TTC28: variants seen among roughly 807,000 people sequenced by gnomAD.
TTC28 encodes the protein tetratricopeptide repeat protein 28.
Under a neutral mutation model 198.0 loss-of-function variants are expected in TTC28, and 61 were observed. That is an observed-to-expected ratio of 0.31 (90% CI 0.25 to 0.38). The LOEUF (loss-of-function observed/expected upper bound fraction) is 0.38, where lower values mean the gene tolerates loss of function less well. Among genes scored for constraint, TTC28 ranks in the 10% least tolerant of loss-of-function variants. TTC28 has a pLI of 1.00. For synonymous variants in TTC28, 1,171 were observed against 1,297.8 expected, an observed-to-expected ratio of 0.90 and a Z score of 2.10; for missense variants, 2,678 against 3,164.0, an observed-to-expected ratio of 0.85 and a Z score of 3.69.
rs1044862889 is a variant in TTC28, at chr22:28,025,609, C to T, written c.4073+4617G>A. 3.3e-5 allele frequency among the ~76,000 whole-genome samples: 5 copies of T among 152,148 alleles called. No individual in the cohort carries two copies. The East Asian group carries it at 7.7e-4, about 23-fold the overall frequency. ...TAAAAAACCACAGCCTGGCCAGGTA[C>T]GGAGACTCACAAGGATCCCAGCATT... On this transcript the variant is annotated intron_variant, in intron 13 of 22. Coordinates refer to ENST00000397906, the MANE Select transcript of TTC28 (RefSeq NM_001145418.2).
chr22:28,636,717 GATTATTTATTTATTTGCT>G (rs971439766), intron 1 of TTC28, among the ~76,000 whole-genome samples: 1 of 150,768 alleles, frequency 6.6e-6, no homozygotes, highest in Non-Finnish European at 1.5e-5. Flanking sequence ...TTAAAAATCA[GATTATTTATTTATTTGCT>G]ATAGAGTTGT....
Position 28,224,162 on chromosome 22 carries a change from C to G in TTC28, c.934-60563G>C, listed in dbSNP as rs140012477. Among the ~76,000 whole-genome samples the G allele has an allele frequency of 2.1e-3, 314 of 152,200 alleles. 3 individuals carry two copies. Among genetic ancestry groups the G allele is most frequent in the Non-Finnish European group, 2.2e-3 (148 of 68,006 alleles). On this transcript the variant is annotated intron_variant, in intron 5 of 22. Coordinates refer to ENST00000397906, the MANE Select transcript of TTC28 (RefSeq NM_001145418.2). ...ACAGACCCCCACAATAACGGAGGAC[C>G]CAGGACCACATGTTAGCAGTGCTGA...
At chr22:28,250,513 G>T (rs1427677015) in intron 5 of TTC28, among the ~76,000 whole-genome samples, 1 of 152,102 alleles carries the variant, frequency 6.6e-6, no homozygotes, top group African/African-American at 2.4e-5. Flanking sequence ...CTTACCAGCA[G>T]ATACCAAATT....
chr22:28,187,952 G>T (rs752301567), intron 5 of TTC28, among the ~76,000 whole-genome samples: 1 of 152,114 alleles, frequency 6.6e-6, no homozygotes, highest in Non-Finnish European at 1.5e-5. Context: ...GAAACATCAA[G>T]AAAACAAATG....
chr22:28,426,241 A>AAAATTC (rs1459228268), intron 2 of TTC28, among the ~76,000 whole-genome samples: 1 of 151,806 alleles, frequency 6.6e-6, no homozygotes, highest in Non-Finnish European at 1.5e-5. Context: ...AGAAAGAAAG[A>AAAATTC]AAATTCAAAA....
At chr22:28,558,367 G>A (rs1164963826) in intron 2 of TTC28, among the ~76,000 whole-genome samples, 2 of 152,170 alleles carry the variant, frequency 1.3e-5, no homozygotes. Flanking sequence ...TGGATAAAGT[G>A]AGGATTCAGC....
chr22:28,583,216 G>A (rs2146063312), intron 2 of TTC28, among the ~76,000 whole-genome samples: 1 of 151,890 alleles, frequency 6.6e-6, no homozygotes, highest in African/African-American at 2.4e-5. Context: ...AAAAAAATGA[G>A]GACATCATAA....
In TTC28 at chr22:28,180,404, A is replaced by T. The variant is rs1002049172; in HGVS notation, c.934-16805T>A. ...TCATCTTTACAAGGATGATGGAAAA[A>T]TTTTTTCAGATCTCAGTGCTTCCAC... On this transcript the variant is annotated intron_variant, in intron 5 of 22. Coordinates refer to ENST00000397906, the MANE Select transcript of TTC28 (RefSeq NM_001145418.2). 3.3e-5 allele frequency among the ~76,000 whole-genome samples: 5 copies of T among 151,972 alleles called. No homozygotes were observed. The South Asian group carries it at 8.3e-4, about 25-fold the overall frequency.
At chr22:28,064,948 T>G (rs1322706952) in intron 12 of TTC28, among the ~76,000 whole-genome samples, 1 of 152,170 alleles carries the variant, frequency 6.6e-6, no homozygotes, top group Admixed American at 6.5e-5. Flanking sequence ...ATTCAAAAAC[T>G]AAAAAATGCA....
chr22:28,426,119 G>A (rs2047345920), intron 2 of TTC28, among the ~76,000 whole-genome samples: 1 of 151,108 alleles, frequency 6.6e-6, no homozygotes, highest in Admixed American at 6.6e-5. Flanking sequence ...GGCTGAGGCA[G>A]GAGAATCACT....
chr22:28,303,571 A>G (rs1276981921), intron 3 of TTC28, among the ~76,000 whole-genome samples: 1 of 152,218 alleles, frequency 6.6e-6, no homozygotes, highest in African/African-American at 2.4e-5. Context: ...GTGGACAAAT[A>G]TAACGTATTT....
At chr22:28,072,105 A>C (rs2146777216) in intron 12 of TTC28, among the ~76,000 whole-genome samples, 2 of 152,332 alleles carry the variant, frequency 1.3e-5, no homozygotes, top group Middle Eastern at 6.8e-3. Flanking sequence ...ATGGCACTTC[A>C]CAGGAGTGGA....
chr22:28,458,901 C>G (rs2047906054), intron 2 of TTC28, among the ~76,000 whole-genome samples: 2 of 150,512 alleles, frequency 1.3e-5, no homozygotes. Context: ...AAAAAATTTA[C>G]CAAAATAATA....
rs932575958 is a variant in TTC28, at chr22:28,301,185, C to G, written c.530-3333G>C. 6.6e-5 allele frequency among the ~76,000 whole-genome samples: 10 copies of G among 152,164 alleles called. No homozygotes were observed. In the East Asian group the frequency reaches 1.3e-3, roughly 21 times the overall value. On this transcript the variant is annotated intron_variant, in intron 3 of 22. Coordinates refer to ENST00000397906, the MANE Select transcript of TTC28 (RefSeq NM_001145418.2). Reference sequence around the variant, plus strand: ...AGTTTTCTAAATGTATAGGTGATCACTACAATTATTTTCAACTCTATTATT... The same window carrying G: ...AGTTTTCTAAATGTATAGGTGATCAGTACAATTATTTTCAACTCTATTATT...
chr22:28,385,360 G>A (rs991625879), intron 2 of TTC28, among the ~76,000 whole-genome samples: 13 of 150,202 alleles, frequency 8.7e-5, no homozygotes, highest in East Asian at 2.0e-4. Context: ...AGCCTCCCAA[G>A]TAGCTAGGAT....
intron 2 of TTC28, among the ~76,000 whole-genome samples, chr22:28,591,244 A>T (rs1307444757): frequency 1.3e-5 from 2 of 150,446 alleles, no homozygotes; most frequent in Non-Finnish European, 3.0e-5. Context: ...AAGTAGCTAA[A>T]CTGCAGGTAC....
chr22:28,336,591 A>C (rs963501735), intron 2 of TTC28, among the ~76,000 whole-genome samples: 1 of 151,962 alleles, frequency 6.6e-6, no homozygotes, highest in South Asian at 2.1e-4. Flanking sequence ...CGAGGAATTT[A>C]TCCATTTCTT....
intron 12 of TTC28, among the ~76,000 whole-genome samples, chr22:28,055,902 C>T (rs1021056666): frequency 6.6e-6 from 1 of 152,040 alleles, no homozygotes; most frequent in Non-Finnish European, 1.5e-5. Context: ...TATTGTATAG[C>T]CTTTTGCCTG....
chr22:28,165,349 G>A (rs1921801479), intron 5 of TTC28, among the ~76,000 whole-genome samples: 2 of 152,118 alleles, frequency 1.3e-5, no homozygotes, highest in South Asian at 4.1e-4. Flanking sequence ...TACTCCTCGA[G>A]AAGAGCAACG....
Sources: gnomAD v4.1 joint callset for allele counts (sites outside exome capture counted in the v4.1 genomes callset) on GRCh38, gnomAD v4.1.1 for gene constraint, MANE v1.5 for transcripts, NCBI Gene and HGNC (gene_info 2026-07-23, HGNC 2026-07-21) for gene names.